Variants in USP4 observed in about 807,000 individuals in gnomAD.
The protein encoded by USP4 is ubiquitin carboxyl-terminal hydrolase 4.
USP4 carries 72 observed loss-of-function variants against 118.2 expected under a neutral mutation model. That is an observed-to-expected ratio of 0.61 (90% CI 0.50 to 0.74). The LOEUF is 0.74. USP4 is among the 30% of genes least tolerant of loss of function. The pLI is 0.00. For synonymous variants in USP4, 415 were observed against 440.4 expected, an observed-to-expected ratio of 0.94 and a Z score of 0.72; for missense variants, 1,037 against 1,185.7, an observed-to-expected ratio of 0.87 and a Z score of 1.84.
At chr3:49,325,097 C>G in intron 4 of USP4, 58 bp from the exon 5 acceptor site, 1 of 1,578,056 alleles carries the variant, frequency 6.3e-7, no homozygotes, top group Non-Finnish European at 8.6e-7. Context: ...CTAAAGACAG[C>G]CATGGCAAAC....
At position 49,285,992 on chromosome 3, in the gene USP4, G is replaced by T. The variant is rs1043409277; in HGVS notation, c.2200+106C>A. The T allele has an allele frequency of 2.9e-6, 3 of 1,042,908 alleles. No individual in the cohort carries two copies. The African/African-American group carries it at 4.8e-5, about 17-fold the overall frequency. 64.6% of individuals were successfully genotyped at this position (1,042,908 alleles called of 1,614,324 possible). Reference sequence around the variant, plus strand: ...GGTCATACAAGTGCTGCTCCTGGAGGCACAGAGACTGTGAAAGCCCAATGC... The same window carrying T: ...GGTCATACAAGTGCTGCTCCTGGAGTCACAGAGACTGTGAAAGCCCAATGC... On this transcript the variant is annotated intron_variant, in intron 16 of 21. Coordinates refer to ENST00000265560, the MANE Select transcript of USP4 (RefSeq NM_003363.4).
At chr3:49,309,943 C>T (rs144610520) in intron 8 of USP4, among the ~76,000 whole-genome samples, 101 of 40,196 alleles carry the variant, frequency 2.5e-3, no homozygotes, top group South Asian at 0.011. Flanking sequence ...TTTTTTTAAT[C>T]TTTTTTTTTT....
intron 18 of USP4, 63 bp from the exon 19 acceptor site, chr3:49,284,199 G>A: frequency 6.3e-7 from 1 of 1,598,366 alleles, no homozygotes. Context: ...GGGCACTCAT[G>A]CATGGAGGCA....
intron 19 of USP4, among the ~76,000 whole-genome samples, chr3:49,282,649 T>A (rs1347605631): frequency 6.6e-6 from 1 of 152,124 alleles, no homozygotes; most frequent in Non-Finnish European, 1.5e-5. Flanking sequence ...CTATACTTCA[T>A]GTATCTATTC....
rs545757371 is a variant in USP4 at position 49,338,674 on chromosome 3, A to G, written c.101+1250T>C. On this transcript the variant is annotated intron_variant, in intron 1 of 21. Transcript: ENST00000265560. Reference sequence around the variant, plus strand: ...CGAAATTCCTTCTCAAAAAAAAAAAAAAAAAGAAAAGAAAAGAAAAGAAAA... The same window carrying G: ...CGAAATTCCTTCTCAAAAAAAAAAAGAAAAAGAAAAGAAAAGAAAAGAAAA... Among the ~76,000 whole-genome samples the G allele has an allele frequency of 2.4e-4, 37 of 151,446 alleles. No homozygotes were observed. The East Asian group carries it at 2.7e-3, about 11-fold the overall frequency.
chr3:49,295,702 G>GCGCGCGCA (rs1559468191), intron 13 of USP4, among the ~76,000 whole-genome samples: 1 of 121,202 alleles, frequency 8.3e-6, no homozygotes, highest in African/African-American at 3.6e-5. Flanking sequence ...ATGCACGTGT[G>GCGCGCGCA]CGCGCGCGCG....
intron 19 of USP4, 68 bp from the exon 20 acceptor site, chr3:49,280,915 A>G: frequency 7.4e-7 from 1 of 1,342,962 alleles, no homozygotes; most frequent in Non-Finnish European, 1.1e-6. Flanking sequence ...AGAGTAACCC[A>G]GCAACCTCTG....
chr3:49,279,183 A>G (rs994940218), intron 20 of USP4: 28 of 198,352 alleles, frequency 1.4e-4, no homozygotes, highest in Non-Finnish European at 6.1e-5. Context: ...ATTCAGTGCC[A>G]ATCTTCAGGA....
chr3:49,311,623 T>C lies in USP4; in HGVS notation c.727A>G (p.Thr243Ala), dbSNP rs1398414904. The change falls in exon 7 of 22, where the codon ACC becomes GCC. Residue 243 changes from threonine (T) to alanine (A), a missense_variant. Physicochemically the swap from Thr to Ala is moderately conservative, Grantham distance 58. Transcript: ENST00000265560. ...GGACTTGCTGATGATTTTGGAGAGG[T>C]AGTAAAATTTCTGCTAGGCGCAGTG... is the stretch of plus-strand genomic sequence containing the variant. ...SSTAPSRNFT[T>A]SPKSSASPYS... 20 of 1,613,830 alleles carry C rather than the reference T, an allele frequency of 1.2e-5. No homozygotes were observed. Among genetic ancestry groups the C allele is most frequent in the Non-Finnish European group, 1.6e-5 (19 of 1,179,872 alleles).
chr3:49,280,967 C>G, intron 19 of USP4, 120 bp from the exon 20 acceptor site: 1 of 700,294 alleles, frequency 1.4e-6, no homozygotes, highest in South Asian at 1.8e-5. Context: ...TCAAACTATT[C>G]GAGAGAGACC....
At chr3:49,286,002 T>C in intron 16 of USP4, 96 bp downstream of exon 16, 3 of 1,188,528 alleles carry the variant, frequency 2.5e-6, no homozygotes, top group Admixed American at 2.0e-5. Context: ...GCACAGAGAC[T>C]GTGAAAGCCC....
At chr3:49,329,880 C>T (rs1024176435) in intron 2 of USP4, among the ~76,000 whole-genome samples, 34 of 152,256 alleles carry the variant, frequency 2.2e-4, no homozygotes, top group East Asian at 7.7e-4. Context: ...TGGCTCAGGC[C>T]TGTAATCCCA....
chr3:49,325,158 C>T (rs2047539160), intron 4 of USP4, 119 bp from the exon 5 acceptor site: 4 of 1,252,416 alleles, frequency 3.2e-6, no homozygotes, highest in Non-Finnish European at 4.4e-6. Context: ...CTGGATCAAC[C>T]CCCTGATACC....
At chr3:49,281,491 T>TATACACAC (rs1242949530) in intron 19 of USP4, among the ~76,000 whole-genome samples, 34 of 126,538 alleles carry the variant, frequency 2.7e-4, no homozygotes, top group East Asian at 1.1e-3. Context: ...TATATATATA[T>TATACACAC]ACACACACAC....
chr3:49,286,293 C>A lies in USP4; in HGVS notation c.2005G>T (p.Glu669Ter). The A allele has an allele frequency of 6.2e-7, 1 of 1,614,146 alleles. No homozygotes were observed. Among genetic ancestry groups the A allele is most frequent in the Non-Finnish European group, 8.5e-7 (1 of 1,180,026 alleles). Residue 669 changes from glutamate to a stop codon, truncating the protein, a stop_gained, in exon 16 of 22, where the codon GAA becomes TAA. Coordinates refer to ENST00000265560, the MANE Select transcript of USP4 (RefSeq NM_003363.4). LOFTEE classifies it high-confidence loss of function. Reference protein sequence around the residue: ...EDEEEMEHQEEGKEQLSETEG... With the variant: ...EDEEEMEHQE ...GTTTCTGAAAGCTGCTCTTTGCCTT[C>A]TTCCTGATGCTCCATTTCTTCCTCA...
In USP4 at chr3:49,324,748, G is replaced by A; in HGVS notation, c.649C>T (p.Pro217Ser). 1 of 1,614,174 alleles carries A rather than the reference G, an allele frequency of 6.2e-7. No individual in the cohort carries two copies. The highest frequency in any genetic ancestry group is 1.3e-5 in the African/African-American group (1 of 75,044). Residue 217 changes from proline (P) to serine (S), a missense_variant, in exon 6 of 22, where the codon CCT becomes TCT. Coordinates refer to ENST00000265560, the MANE Select transcript of USP4 (RefSeq NM_003363.4). ...GGCCATGTGCCATCTTCATTTTGAG[G>A]CTCAATTACTAGCACCTGAGTGAAA... ...LYQGQVLVIE[P>S]QNEDGTWPRQ...
chr3:49,282,862 C>T (rs2047049697), intron 19 of USP4, among the ~76,000 whole-genome samples: 1 of 151,746 alleles, frequency 6.6e-6, no homozygotes, highest in Non-Finnish European at 1.5e-5. Flanking sequence ...CGTGCACCAC[C>T]ACATCCAGCT....
At chr3:49,279,075 T>G (rs1427007145) in intron 20 of USP4, 173 bp from the exon 21 acceptor site, 1 of 414,226 alleles carries the variant, frequency 2.4e-6, no homozygotes, top group Non-Finnish European at 4.3e-6. Flanking sequence ...TTTTCTAATC[T>G]GTTCCTTCTC....
chr3:49,286,126 TG>T lies in USP4; in HGVS notation c.2171del (p.Ala724GlufsTer40). 6.2e-7 allele frequency: 1 copy of T among 1,614,222 alleles called. No homozygotes were observed. The highest frequency in any genetic ancestry group is 8.5e-7 in the Non-Finnish European group (1 of 1,180,036). ...TGAGTTTAAGTAGTTTTCCATCAGCTGCAAGTGAATTTATGTCAGCTGTTCC... is the reference window on the plus strand; with the variant it reads ...TGAGTTTAAGTAGTTTTCCATCAGCTCAAGTGAATTTATGTCAGCTGTTCC... ...SYGTADINSL[A>X]ADGKLLKLNS... On this transcript the variant is annotated frameshift_variant, in exon 16 of 22. Coordinates refer to ENST00000265560, the MANE Select transcript of USP4 (RefSeq NM_003363.4). LOFTEE classifies it high-confidence loss of function.
Sources: allele counts gnomAD v4.1 joint callset (sites outside exome capture counted in the v4.1 genomes callset), GRCh38; gene constraint gnomAD v4.1.1; transcripts MANE v1.5; gene names NCBI Gene and HGNC (gene_info 2026-07-23, HGNC 2026-07-21).